Variants in CLASRP observed in about 807,000 individuals in gnomAD.
CLASRP encodes CLK4 associating serine/arginine rich protein.
CLASRP carries 52 observed loss-of-function variants against 99.9 expected under a neutral mutation model. The ratio of observed to expected loss-of-function variants is 0.52; its 90% CI spans 0.42 to 0.66. The LOEUF (loss-of-function observed/expected upper bound fraction) is 0.66, where lower values mean the gene tolerates loss of function less well. Among genes scored for constraint, CLASRP ranks in the 30% least tolerant of loss-of-function variants. CLASRP has a pLI of 0.00. For missense variants in CLASRP, 848 were observed against 999.2 expected, an observed-to-expected ratio of 0.85 and a Z score of 2.04; for synonymous variants, 379 against 373.0, an observed-to-expected ratio of 1.02 and a Z score of -0.18.
In CLASRP at chr19:45,067,503, C is replaced by T. The variant is rs762322261; in HGVS notation, c.1576C>T (p.Arg526Cys). The T allele has an allele frequency of 2.3e-5, 37 of 1,589,534 alleles. No individual in the cohort carries two copies. Among genetic ancestry groups the T allele is most frequent in the Middle Eastern group, 1.6e-4 (1 of 6,062 alleles). ...PSPSQSRSRS[R>C]SRSQSPSPSP... Reference sequence around the variant, plus strand: ...CCCCAGCCAGAGCCGCAGCCGCAGCCGCAGCCGCAGCCAGAGCCCCTCGCC... The same window carrying T: ...CCCCAGCCAGAGCCGCAGCCGCAGCTGCAGCCGCAGCCAGAGCCCCTCGCC... Residue 526 changes from arginine to cysteine, a missense_variant, in exon 14 of 21, where the codon CGC (arginine) becomes TGC (cysteine). This residue lies in a region of CLASRP where 489 missense variants were observed against 434.7 expected (regional missense o/e 1.12). Transcript: ENST00000221455. The surrounding 1 kb of genome is among the most constrained non-coding windows in gnomAD (Gnocchi z 4.9).
intron 19 of CLASRP, 142 bp downstream of exon 19, chr19:45,070,246 C>G: frequency 1.5e-6 from 1 of 682,294 alleles, no homozygotes; most frequent in East Asian, 2.6e-5. Context: ...GTGGGTGGAT[C>G]AATCACCTGA....
At chr19:45,057,294 G>A (rs753467064) in intron 6 of CLASRP, among the ~76,000 whole-genome samples, 8 of 152,124 alleles carry the variant, frequency 5.3e-5, no homozygotes, top group Non-Finnish European at 8.8e-5. Context: ...CCACTGGGAG[G>A]GGTCCCATGG....
Position 45,067,277 on chromosome 19 carries a change from G to A in CLASRP, c.1410-60G>A. ...AGGACTGTGGATCCGGACCCAGGGTGGGGTGCGGTTGGGGTCCCTGGAGCC... is the reference window on the plus strand; with the variant it reads ...AGGACTGTGGATCCGGACCCAGGGTAGGGTGCGGTTGGGGTCCCTGGAGCC... On this transcript the variant is annotated intron_variant, in intron 13 of 20. Transcript: ENST00000221455. The surrounding 1 kb of genome is among the most constrained non-coding windows in gnomAD (Gnocchi z 4.9). 1.7e-5 allele frequency: 25 copies of A among 1,442,730 alleles called. No homozygotes were observed. The highest frequency in any genetic ancestry group is 2.3e-5 in the Non-Finnish European group (25 of 1,101,256). 89.4% of individuals were successfully genotyped at this position (1,442,730 alleles called of 1,614,324 possible). A position where few individuals can be genotyped will look rare whatever the true frequency, so the allele number is the denominator to read the frequency against.
chr19:45,061,800 CATCATCATCATT>C (rs1419790227), intron 10 of CLASRP, among the ~76,000 whole-genome samples: 1 of 151,778 alleles, frequency 6.6e-6, no homozygotes, highest in African/African-American at 2.4e-5. Flanking sequence ...TCATCATCAT[CATCATCATCATT>C]AGTAAGCCCG....
intron 2 of CLASRP, among the ~76,000 whole-genome samples, chr19:45,041,083 A>G (rs1442686144): frequency 6.6e-5 from 10 of 150,666 alleles, no homozygotes; most frequent in Non-Finnish European, 1.5e-4. Flanking sequence ...TAGCCAGGTG[A>G]GGTGGCGGGT....
chr19:45,068,454 G>A lies in CLASRP; in HGVS notation c.1742G>A (p.Arg581Lys). ...ACGCCTCAGGAGAAGCTGAAACTGA[G>A]GATGCAGAAGGCGCTGAACAGGCAG... ...KLTPQEKLKL[R>K]MQKALNRQFK... Residue 581 changes from arginine to lysine, a missense_variant, in exon 16 of 21, where the codon AGG becomes AAG. Coordinates refer to ENST00000221455, the MANE Select transcript of CLASRP (RefSeq NM_007056.3). The A allele has an allele frequency of 1.2e-6, 2 of 1,613,424 alleles. No individual in the cohort carries two copies. The highest frequency in any genetic ancestry group is 1.7e-6 in the Non-Finnish European group (2 of 1,179,430).
At chr19:45,058,955 A>C (rs1972174981) in intron 7 of CLASRP, among the ~76,000 whole-genome samples, 1 of 150,770 alleles carries the variant, frequency 6.6e-6, no homozygotes, top group Admixed American at 6.6e-5. Flanking sequence ...TCATCCATCC[A>C]TCCATCCCTG....
At chr19:45,058,900 C>T (rs1972171986) in intron 7 of CLASRP, among the ~76,000 whole-genome samples, 1 of 151,996 alleles carries the variant, frequency 6.6e-6, no homozygotes, top group African/African-American at 2.4e-5. Context: ...ATTCCTCCCT[C>T]CCTCCATCCA....
intron 8 of CLASRP, among the ~76,000 whole-genome samples, 196 bp downstream of exon 8, chr19:45,059,560 CCAA>C (rs1238337150): frequency 6.6e-6 from 1 of 152,200 alleles, no homozygotes; most frequent in Non-Finnish European, 1.5e-5. Flanking sequence ...CAGGCTGCAC[CCAA>C]GTCACCCAGC....
rs1966904728 is a variant in CLASRP, at chr19:45,060,067, C to T, written c.711-322C>T. 6.6e-6 allele frequency among the ~76,000 whole-genome samples: 1 copy of T among 152,182 alleles called. No individual in the cohort carries two copies. The highest frequency in any genetic ancestry group is 2.4e-5 in the African/African-American group (1 of 41,452). The stretch of plus-strand genomic sequence containing the variant: ...GTTTTGTGTGGCTTCCCTGAGCTCC[C>T]TCTTGAAAACTGCAGCTTCCTCTGC... On this transcript the variant is annotated intron_variant, in intron 8 of 20. Transcript: ENST00000221455. This position sits in a 1 kb window ranked among gnomAD's most constrained non-coding sequence, Gnocchi z 4.6.
At chr19:45,069,807 C>T in intron 18 of CLASRP, 1 of 563,928 alleles carries the variant, frequency 1.8e-6, no homozygotes, top group Non-Finnish European at 3.2e-6. Flanking sequence ...TCCCTCTGTT[C>T]CCCAGGCTTT....
At chr19:45,063,044 G>A (rs1194212149) in intron 11 of CLASRP, among the ~76,000 whole-genome samples, 2 of 152,192 alleles carry the variant, frequency 1.3e-5, no homozygotes, top group Non-Finnish European at 2.9e-5. Flanking sequence ...GGTTAGATGA[G>A]ATAAGGTGTT....
chr19:45,053,636 C>T (rs946219554), intron 5 of CLASRP, among the ~76,000 whole-genome samples: 15 of 151,854 alleles, frequency 9.9e-5, no homozygotes, highest in African/African-American at 3.6e-4. Context: ...CCGCCACCAC[C>T]CCCAGTTAGT....
chr19:45,066,100 T>A (rs1252617049), intron 13 of CLASRP, among the ~76,000 whole-genome samples: 3 of 152,058 alleles, frequency 2.0e-5, no homozygotes, highest in Non-Finnish European at 4.4e-5. Flanking sequence ...GGGTCTGGAT[T>A]TTTAGAGGAT....
rs181654434 is a variant in CLASRP, at chr19:45,046,753, C to T, written c.100-5318C>T. Among the ~76,000 whole-genome samples, 12 of 152,324 alleles carry T rather than the reference C, an allele frequency of 7.9e-5. No homozygotes were observed. The East Asian group carries it at 1.2e-3, about 15-fold the overall frequency. On this transcript the variant is annotated intron_variant, in intron 2 of 20. Transcript: ENST00000221455. ...GGTTAAGAGTTGGTTTTGGGCCGGG[C>T]GCGGTAGCTCACGCCTGTAATCCCA... is the stretch of plus-strand genomic sequence containing the variant.
intron 18 of CLASRP, 46 bp from the exon 19 acceptor site, chr19:45,069,976 G>C: frequency 1.9e-6 from 2 of 1,066,826 alleles, no homozygotes; most frequent in Non-Finnish European, 2.9e-6. Context: ...CCTGAGTTCA[G>C]TGTGTCCAGT....
chr19:45,058,014 C>T lies in CLASRP; in HGVS notation c.613+116C>T, dbSNP rs886898168. The T allele has an allele frequency of 2.7e-4, 361 of 1,332,324 alleles. 2 individuals are homozygous for T. Among genetic ancestry groups the T allele is most frequent in the Middle Eastern group, 1.6e-3 (6 of 3,856 alleles). 82.5% of individuals were successfully genotyped at this position (1,332,324 alleles called of 1,614,324 possible). A position where few individuals can be genotyped will look rare whatever the true frequency, so the allele number is the denominator to read the frequency against. ...ACGAACCGTGTCTCTCTCCCTACCC[C>T]GCCCCAGGGCACACCAGCCTCCTGC... is the stretch of plus-strand genomic sequence containing the variant. On this transcript the variant is annotated intron_variant, in intron 7 of 20. Coordinates refer to ENST00000221455, the MANE Select transcript of CLASRP (RefSeq NM_007056.3).
At position 45,057,849 on chromosome 19, in the gene CLASRP, G is replaced by T. The variant is rs143800882; in HGVS notation, c.564G>T (p.Ala188=). 24 of 1,613,894 alleles carry T rather than the reference G, an allele frequency of 1.5e-5. No individual in the cohort carries two copies. The highest frequency in any genetic ancestry group is 1.9e-5 in the Non-Finnish European group (23 of 1,179,942). ...AAAAGCCAGAGGAGGAGGAGTCAGC[G>T]GCCGAGGAGGAGAGCAACTCGGACG... The part of the protein sequence containing the change: ...AAEKPEEEES[A]AEEESNSDED... Residue 188 remains alanine (A), a synonymous_variant, in exon 7 of 21, where the codon GCG becomes GCT. Transcript: ENST00000221455.
At position 45,064,411 on chromosome 19, in the gene CLASRP, G is replaced by A. The variant is rs756484217; in HGVS notation, c.1190G>A (p.Arg397His). ...ACCTCCAGCTCCCGCTCCAGCTCTC[G>A]CTCCAGCTCCCGCTCTCGCCGTGGT... ...SRTSSSRSSS[R>H]SSSRSRRGGG... is the part of the protein sequence containing the mutation. The change falls in exon 13 of 21, where the codon CGC (arginine) becomes CAC (histidine). Residue 397 changes from arginine to histidine, a missense_variant. Physicochemically the swap from Arg to His is conservative, Grantham distance 29 (BLOSUM62 0). Around this residue, in one of 8 missense-constraint regions of CLASRP, gnomAD observed 489 missense variants for 434.7 expected, o/e 1.12. Coordinates refer to ENST00000221455, the MANE Select transcript of CLASRP (RefSeq NM_007056.3). 17 of 1,528,864 alleles carry A rather than the reference G, an allele frequency of 1.1e-5. 1 individual carries two copies. Among genetic ancestry groups the A allele is most frequent in the Non-Finnish European group, 8.8e-7 (1 of 1,140,112 alleles). The allele number at this position is 1,528,864 out of a possible 1,614,324, so 94.7% of individuals were successfully genotyped here. A position where few individuals can be genotyped will look rare whatever the true frequency, so the allele number is the denominator to read the frequency against.
Sources: gnomAD v4.1 joint callset for allele counts (sites outside exome capture counted in the v4.1 genomes callset) on GRCh38, gnomAD v4.1.1 for gene constraint, gnomAD v4.1.1 regional missense constraint, Gnocchi (gnomAD v3.1) non-coding constraint, MANE v1.5 for transcripts, NCBI Gene and HGNC (gene_info 2026-07-23, HGNC 2026-07-21) for gene names.